PAN3: variants seen among roughly 807,000 people sequenced by gnomAD.
PAN3 encodes PAN2-PAN3 deadenylation complex subunit PAN3.
A neutral mutation model predicts 96.2 loss-of-function variants in PAN3; 19 were observed. The ratio of observed to expected loss-of-function variants is 0.20; its 90% CI spans 0.14 to 0.29. PAN3 has a LOEUF of 0.29. Ranked by LOEUF, PAN3 falls within the 10% of genes least tolerant of loss-of-function variation. PAN3 has a pLI of 1.00. For missense variants in PAN3, 882 were observed against 1,108.1 expected, an observed-to-expected ratio of 0.80 and a Z score of 2.90; for synonymous variants, 433 against 406.6, an observed-to-expected ratio of 1.06 and a Z score of -0.78.
At chr13:28,219,970 C>G (rs1593499642) in intron 5 of PAN3, among the ~76,000 whole-genome samples, 1 of 152,234 alleles carries the variant, frequency 6.6e-6, no homozygotes, top group Middle Eastern at 3.4e-3. Context: ...ATGATGCATG[C>G]TTGATAATAA....
At chr13:28,165,641 G>A (rs1873446426) in intron 1 of PAN3, among the ~76,000 whole-genome samples, 1 of 152,132 alleles carries the variant, frequency 6.6e-6, no homozygotes, top group South Asian at 2.1e-4. Context: ...TTATTCTATA[G>A]TGTCTTAGTT....
intron 1 of PAN3, among the ~76,000 whole-genome samples, chr13:28,140,225 A>G (rs1471485980): frequency 6.6e-6 from 1 of 152,146 alleles, no homozygotes; most frequent in African/African-American, 2.4e-5. Context: ...GTTGTTATCT[A>G]TTGACCTGAA....
chr13:28,235,584 T>G (rs1374088661), intron 6 of PAN3, among the ~76,000 whole-genome samples: 1 of 152,096 alleles, frequency 6.6e-6, no homozygotes, highest in Non-Finnish European at 1.5e-5. Context: ...TTGGAAGTCA[T>G]AGCTACTTCT....
intron 17 of PAN3, among the ~76,000 whole-genome samples, chr13:28,284,537 T>C (rs1868740760): frequency 6.6e-6 from 1 of 152,206 alleles, no homozygotes; most frequent in Admixed American, 6.5e-5. Flanking sequence ...CATGGTTTTT[T>C]CCAGAACATT....
At chr13:28,274,414 A>C (rs1191235240) in intron 14 of PAN3, among the ~76,000 whole-genome samples, 1 of 152,122 alleles carries the variant, frequency 6.6e-6, no homozygotes, top group African/African-American at 2.4e-5. Flanking sequence ...GATAATATTA[A>C]ATTTTTGAAG....
chr13:28,235,682 T>TACACACACACACACACACACACAC (rs143752644), intron 6 of PAN3, among the ~76,000 whole-genome samples: 11 of 123,474 alleles, frequency 8.9e-5, no homozygotes, highest in African/African-American at 3.5e-4. Flanking sequence ...TTCTCTAATA[T>TACACACACACACACACACACACAC]ACACACACAC....
Position 28,138,606 on chromosome 13 carries a change from TGGCGGCGGCGGCTCCTCG to T in PAN3, c.-40_-23del, listed in dbSNP as rs1335041906. The stretch of plus-strand genomic sequence containing the variant: ...TCCTTTCCTCCCCCGTCTATGGTGG[TGGCGGCGGCGGCTCCTCG>T]GGCGGCGGCGGAAGACGAGGCTGCG... On this transcript the variant is annotated 5_prime_UTR_variant, in exon 1 of 19. Coordinates refer to ENST00000380958, the MANE Select transcript of PAN3 (RefSeq NM_175854.8). The T allele has an allele frequency of 1.6e-4, 77 of 471,310 alleles. No individual in the cohort carries two copies. Among genetic ancestry groups the T allele is most frequent in the Non-Finnish European group, 2.4e-4 (67 of 274,126 alleles). The allele number at this position is 471,310 out of a possible 1,614,324, so 29.2% of individuals were successfully genotyped here.
intron 6 of PAN3, 115 bp from the exon 7 acceptor site, chr13:28,256,177 C>T (rs975928313): frequency 5.3e-6 from 6 of 1,142,270 alleles, no homozygotes; most frequent in Middle Eastern, 2.1e-4. Context: ...CATCTTTGCA[C>T]TTACGATCCC....
chr13:28,213,774 A>G lies in PAN3; in HGVS notation c.853-6457A>G, dbSNP rs1006684824. ...GAACTCTCACAACTTCGTAATAGAA[A>G]ATTTAAAAATGCATTAAAAGTAGTC... On this transcript the variant is annotated intron_variant, in intron 5 of 18. Coordinates refer to ENST00000380958, the MANE Select transcript of PAN3 (RefSeq NM_175854.8). Among the ~76,000 whole-genome samples the G allele has an allele frequency of 2.0e-5, 3 of 152,288 alleles. No homozygotes were observed. In the South Asian group the frequency reaches 6.2e-4, roughly 32 times the overall value.
chr13:28,266,281 C>T (rs998300722), intron 9 of PAN3, among the ~76,000 whole-genome samples: 2 of 152,060 alleles, frequency 1.3e-5, no homozygotes, highest in African/African-American at 4.8e-5. Context: ...TCATTCGAGA[C>T]AGTTAACAGA....
At chr13:28,151,032 G>A (rs900185995) in intron 1 of PAN3, among the ~76,000 whole-genome samples, 51 of 152,262 alleles carry the variant, frequency 3.3e-4, no homozygotes, top group African/African-American at 1.1e-3. Flanking sequence ...GGGATATCAA[G>A]GTAAACCTCA....
In PAN3 at chr13:28,138,600, T is replaced by C. The variant is rs1168388805; in HGVS notation, c.-58T>C. On this transcript the variant is annotated 5_prime_UTR_variant, in exon 1 of 19. The change abolishes an upstream ATG in the 5' untranslated region. Coordinates refer to ENST00000380958, the MANE Select transcript of PAN3 (RefSeq NM_175854.8). ...GCGTCTTCCTTTCCTCCCCCGTCTA[T>C]GGTGGTGGCGGCGGCGGCTCCTCGG... is the stretch of plus-strand genomic sequence containing the variant. The C allele has an allele frequency of 2.7e-6, 1 of 369,480 alleles. No individual in the cohort carries two copies. Among genetic ancestry groups the C allele is most frequent in the South Asian group, 4.7e-5 (1 of 21,298 alleles). 22.9% of individuals were successfully genotyped at this position (369,480 alleles called of 1,614,324 possible).
chr13:28,267,511 A>T (rs1886283882), intron 12 of PAN3, 110 bp downstream of exon 12: 4 of 896,304 alleles, frequency 4.5e-6, no homozygotes, highest in Non-Finnish European at 6.9e-6. Flanking sequence ...CATTTAGTTT[A>T]AAGACTCTAT....
chr13:28,197,051 A>C (rs2138231231), intron 4 of PAN3, 134 bp from the exon 5 acceptor site: 1 of 1,096,522 alleles, frequency 9.1e-7, no homozygotes, highest in Non-Finnish European at 1.2e-6. Context: ...GGTGGTAAGG[A>C]TATTAGAAGG....
intron 6 of PAN3, among the ~76,000 whole-genome samples, chr13:28,222,685 G>A (rs1175076736): frequency 5.3e-5 from 8 of 152,018 alleles, no homozygotes; most frequent in Admixed American, 5.2e-4. Context: ...TTTAAGGAAG[G>A]GTTCTTGACA....
intron 18 of PAN3, among the ~76,000 whole-genome samples, chr13:28,289,660 T>C (rs1566265318): frequency 6.6e-6 from 1 of 152,074 alleles, no homozygotes; most frequent in Non-Finnish European, 1.5e-5. Flanking sequence ...GGCGGGCGGA[T>C]CACGAGGTCA....
In PAN3 at chr13:28,256,460, G is replaced by C. The variant is rs952726128; in HGVS notation, c.1169G>C (p.Gly390Ala). The change falls in exon 7 of 19, where the codon GGT becomes GCT. Residue 390 changes from glycine (G) to alanine (A), a missense_variant. Gly to Ala is a moderately conservative substitution (Grantham distance 60). Coordinates refer to ENST00000380958, the MANE Select transcript of PAN3 (RefSeq NM_175854.8). ...NNPVSQTPSS[G>A]QVIQKETVGG... ...CCTGTTTCTCAGACTCCGTCTTCTGGTCAGGTGATCCAAAAGGAAACTGTT... is the reference window on the plus strand; with the variant it reads ...CCTGTTTCTCAGACTCCGTCTTCTGCTCAGGTGATCCAAAAGGAAACTGTT... The C allele has an allele frequency of 3.1e-6, 5 of 1,613,812 alleles. No individual in the cohort carries two copies. The Admixed American group carries it at 6.7e-5, about 22-fold the overall frequency.
At chr13:28,195,551 T>C (rs1433808938) in intron 4 of PAN3, among the ~76,000 whole-genome samples, 1 of 152,192 alleles carries the variant, frequency 6.6e-6, no homozygotes, top group Non-Finnish European at 1.5e-5. Flanking sequence ...TGTTTTTAAA[T>C]TTGGGATGGA....
chr13:28,276,437 C>G (rs1887065552), intron 14 of PAN3, among the ~76,000 whole-genome samples: 1 of 152,140 alleles, frequency 6.6e-6, no homozygotes, highest in Non-Finnish European at 1.5e-5. Flanking sequence ...ATCAGGGCCA[C>G]TTGGGATGAC....
Sources: gnomAD v4.1 joint callset for allele counts (sites outside exome capture counted in the v4.1 genomes callset) on GRCh38, gnomAD v4.1.1 for gene constraint, MANE v1.5 for transcripts, NCBI Gene and HGNC (gene_info 2026-07-23, HGNC 2026-07-21) for gene names.